The following TMLHE variants were observed in gnomAD, a reference collection of about 807,000 sequenced individuals.
The protein encoded by TMLHE is trimethyllysine hydroxylase, epsilon, also known as trimethyllysine dioxygenase, mitochondrial.
TMLHE carries 18 observed loss-of-function variants against 25.7 expected under a neutral mutation model. The observed-to-expected ratio is 0.70, with a 90% CI of 0.48 to 1.04. The LOEUF (loss-of-function observed/expected upper bound fraction) is 1.04, where lower values mean the gene tolerates loss of function less well. Among genes scored for constraint, TMLHE ranks in the 50% least tolerant of loss-of-function variants. The pLI is 0.00. For synonymous variants in TMLHE, 105 were observed against 97.0 expected, an observed-to-expected ratio of 1.08 and a Z score of -0.49; for missense variants, 236 against 259.0, an observed-to-expected ratio of 0.91 and a Z score of 0.61.
At chrX:155,560,596 A>G (rs2067490186) in intron 1 of TMLHE, among the ~76,000 whole-genome samples, 1 of 44,803 alleles carries the variant, frequency 2.2e-5, no homozygotes, top group Admixed American at 2.7e-4. Flanking sequence ...TCATAAGGAT[A>G]TCTGGGGTAA....
At chrX:155,549,171 G>C (rs1053634347) in intron 1 of TMLHE, among the ~76,000 whole-genome samples, 7 of 110,905 alleles carry the variant, frequency 6.3e-5, no homozygotes, top group Non-Finnish European at 1.3e-4. Context: ...TCTATATAAG[G>C]AATGTCATAT....
chrX:155,505,779 T>A (rs782733861), intron 6 of TMLHE, among the ~76,000 whole-genome samples: 1 of 111,964 alleles, frequency 8.9e-6, no homozygotes, highest in African/African-American at 3.2e-5. Flanking sequence ...CAGGAATTTT[T>A]GTCTATTGTG....
chrX:155,604,412 C>T (rs368598589), intron 1 of TMLHE, among the ~76,000 whole-genome samples: 3 of 110,745 alleles, frequency 2.7e-5, no homozygotes, highest in East Asian at 2.9e-4. Context: ...CTCCCTGGCT[C>T]GGGCCCACAA....
chrX:155,543,178 A>G (rs2124407630), intron 2 of TMLHE, among the ~76,000 whole-genome samples: 1 of 111,221 alleles, frequency 9.0e-6, no homozygotes, highest in South Asian at 3.8e-4. Context: ...CTTACTCCAC[A>G]TAGTACTGGA....
At chrX:155,522,011 C>G (rs978854640) in intron 3 of TMLHE, among the ~76,000 whole-genome samples, 1 of 110,268 alleles carries the variant, frequency 9.1e-6, no homozygotes, top group Non-Finnish European at 1.9e-5. Flanking sequence ...AGCTGTACAC[C>G]GGAGCTGTTC....
intron 1 of TMLHE, among the ~76,000 whole-genome samples, chrX:155,547,961 C>T (rs782256682): frequency 1.8e-5 from 2 of 111,048 alleles, no homozygotes; most frequent in South Asian, 3.8e-4. Context: ...CAAAGTCTCT[C>T]CTCCCCCATT....
rs1276315873 is a variant in TMLHE, at chrX:155,572,201, T to A, written c.-1-26924A>T. On this transcript the variant is annotated intron_variant, in intron 1 of 7. Transcript: ENST00000334398. ...TCTTATACACCAATAACAGACAAAC[T>A]GAGAGCCAAATCATAAGTGAACTCC... Among the ~76,000 whole-genome samples, 537 of 56,192 alleles carry A rather than the reference T, an allele frequency of 9.6e-3. 65 individuals carry two copies. The highest frequency in any genetic ancestry group is 0.022 in the African/African-American group (513 of 23,110). The allele number at this position is 56,192 out of a possible 115,157, so 48.8% of individuals were successfully genotyped here.
intron 1 of TMLHE, among the ~76,000 whole-genome samples, chrX:155,587,591 A>G (rs1246664918): frequency 2.7e-5 from 3 of 111,581 alleles, no homozygotes; most frequent in Non-Finnish European, 5.6e-5. Context: ...TTTGCTGATG[A>G]TATGATCTTA....
intron 2 of TMLHE, among the ~76,000 whole-genome samples, chrX:155,541,383 T>G (rs1325238258): frequency 3.6e-5 from 4 of 111,804 alleles, no homozygotes; most frequent in African/African-American, 1.3e-4. Context: ...ACTCATCCTT[T>G]TTTATGGCTC....
intron 4 of TMLHE, among the ~76,000 whole-genome samples, chrX:155,513,157 C>G (rs1298443044): frequency 2.7e-5 from 3 of 111,302 alleles, no homozygotes; most frequent in Admixed American, 1.9e-4. Context: ...ATACTATCTA[C>G]TACAAAATGA....
At chrX:155,512,376 T>A (rs371798313) in intron 4 of TMLHE, among the ~76,000 whole-genome samples, 127 of 98,599 alleles carry the variant, frequency 1.3e-3, no homozygotes, top group South Asian at 2.2e-3. Context: ...TGTCCATGTG[T>A]TCTCATTGTT....
intron 1 of TMLHE, among the ~76,000 whole-genome samples, chrX:155,565,108 G>C (rs2067507913): frequency 1.6e-5 from 1 of 62,419 alleles, no homozygotes; most frequent in African/African-American, 3.6e-5. Flanking sequence ...ACTAAGCAGA[G>C]CATTTCAGAT....
intron 5 of TMLHE, among the ~76,000 whole-genome samples, chrX:155,510,937 C>G (rs782198054): frequency 0.02 from 2,200 of 108,938 alleles, 27 homozygotes; most frequent in Non-Finnish European, 0.03. Context: ...TTAATGATTG[C>G]CATTCTAACT....
chrX:155,552,993 T>C (rs1237281106), intron 1 of TMLHE, among the ~76,000 whole-genome samples: 2 of 110,857 alleles, frequency 1.8e-5, no homozygotes, highest in Non-Finnish European at 3.8e-5. Context: ...TATTTTAAAG[T>C]ATACTACGAA....
chrX:155,583,056 G>A (rs782068669), intron 1 of TMLHE, among the ~76,000 whole-genome samples: 1 of 111,548 alleles, frequency 9.0e-6, no homozygotes, highest in South Asian at 3.7e-4. Context: ...ATCATTCTGA[G>A]CAAACTATTG....
intron 1 of TMLHE, among the ~76,000 whole-genome samples, chrX:155,577,646 T>C (rs1239011809): frequency 9.0e-6 from 1 of 110,858 alleles, no homozygotes; most frequent in Non-Finnish European, 1.9e-5. Flanking sequence ...ACCAGTCAGG[T>C]TCATAGTGGC....
At chrX:155,605,258 T>C (rs1327980308) in intron 1 of TMLHE, among the ~76,000 whole-genome samples, 1 of 111,808 alleles carries the variant, frequency 8.9e-6, no homozygotes, top group Non-Finnish European at 1.9e-5. Flanking sequence ...ATACTGTCCA[T>C]GAAAATTTCC....
chrX:155,571,031 T>C (rs2067545790), intron 1 of TMLHE, among the ~76,000 whole-genome samples: 1 of 56,338 alleles, frequency 1.8e-5, no homozygotes, highest in Admixed American at 2.1e-4. Context: ...TTCAAAAAAT[T>C]AATGAATCCA....
chrX:155,506,089 G>A (rs1393250042), intron 6 of TMLHE, among the ~76,000 whole-genome samples: 1 of 111,154 alleles, frequency 9.0e-6, no homozygotes, highest in East Asian at 2.8e-4. Context: ...AAGCCATAAG[G>A]AAGGACTCTA....
Sources: allele counts gnomAD v4.1 joint callset (sites outside exome capture counted in the v4.1 genomes callset), GRCh38; gene constraint gnomAD v4.1.1; transcripts MANE v1.5; gene names NCBI Gene and HGNC (gene_info 2026-07-23, HGNC 2026-07-21).